The following TENM4 variants were observed in gnomAD, a reference collection of about 807,000 sequenced individuals.
TENM4 encodes teneurin transmembrane protein 4.
Under a neutral mutation model 243.3 loss-of-function variants are expected in TENM4, and 82 were observed. That is an observed-to-expected ratio of 0.34 (90% confidence interval 0.28 to 0.40). TENM4 has a LOEUF of 0.40. Among genes scored for constraint, TENM4 ranks in the 10% least tolerant of loss-of-function variants. TENM4 has a pLI of 1.00. For missense variants in TENM4, 3,138 were observed against 3,673.3 expected, an observed-to-expected ratio of 0.85 and a Z score of 3.77; for synonymous variants, 1,412 against 1,456.3, an observed-to-expected ratio of 0.97 and a Z score of 0.69.
chr11:79,108,591 T>A (rs1591288694), intron 4 of TENM4, among the ~76,000 whole-genome samples: 2 of 152,206 alleles, frequency 1.3e-5, no homozygotes, highest in East Asian at 3.8e-4. Flanking sequence ...CTGACTAATA[T>A]GCCATCTTAA....
chr11:79,414,848 G>A (rs1858779101), intron 1 of TENM4, among the ~76,000 whole-genome samples: 1 of 152,168 alleles, frequency 6.6e-6, no homozygotes, highest in African/African-American at 2.4e-5. Flanking sequence ...TGCCTCCTGA[G>A]CTCCTTGAAC....
At chr11:78,732,716 A>G in intron 20 of TENM4, 139 bp from the exon 21 acceptor site, 1 of 990,642 alleles carries the variant, frequency 1.0e-6, no homozygotes, top group Non-Finnish European at 1.4e-6. Flanking sequence ...TAATGCCTAA[A>G]TATTTGACTG....
intron 1 of TENM4, among the ~76,000 whole-genome samples, chr11:79,347,741 T>C (rs562336643): frequency 9.9e-5 from 15 of 151,466 alleles, no homozygotes; most frequent in Non-Finnish European, 1.8e-4. Flanking sequence ...AAATCAGATG[T>C]TTAATTATAT....
intron 1 of TENM4, among the ~76,000 whole-genome samples, chr11:79,431,900 T>C (rs949007175): frequency 4.6e-5 from 7 of 152,176 alleles, no homozygotes; most frequent in African/African-American, 1.7e-4. Context: ...GAGTTCACAA[T>C]GGCAAGGATC....
chr11:79,233,476 T>G (rs1864406684), intron 2 of TENM4, among the ~76,000 whole-genome samples: 1 of 151,692 alleles, frequency 6.6e-6, no homozygotes. Flanking sequence ...GGGACTTGAG[T>G]GAGGATGGTA....
In TENM4 at chr11:79,402,767, C is replaced by T. The variant is rs571248872; in HGVS notation, c.-321+37742G>A. 3.7e-4 allele frequency among the ~76,000 whole-genome samples: 56 copies of T among 152,322 alleles called. 1 individual carries two copies. The highest frequency in any genetic ancestry group is 1.0e-3 in the African/African-American group (43 of 41,576). ...CATAGGAATGAGCAAAGACTCCTGACCTTGGGATTCTCCAAGGCTTCTGAC... is the reference window on the plus strand; with the variant it reads ...CATAGGAATGAGCAAAGACTCCTGATCTTGGGATTCTCCAAGGCTTCTGAC... On this transcript the variant is annotated intron_variant, in intron 1 of 33. Coordinates refer to ENST00000278550, the MANE Select transcript of TENM4 (RefSeq NM_001098816.3).
chr11:79,275,537 C>G (rs764330286), intron 2 of TENM4, among the ~76,000 whole-genome samples: 3 of 152,224 alleles, frequency 2.0e-5, no homozygotes, highest in Non-Finnish European at 4.4e-5. Flanking sequence ...GGCAGGTACT[C>G]ACACCCTTGG....
At chr11:79,200,057 C>A (rs1863708110) in intron 3 of TENM4, among the ~76,000 whole-genome samples, 1 of 152,222 alleles carries the variant, frequency 6.6e-6, no homozygotes, top group Non-Finnish European at 1.5e-5. Context: ...AGCTCAGGAC[C>A]TGCAGCATCT....
At position 78,884,465 on chromosome 11, in the gene TENM4, CT is replaced by C. The variant is rs1565422623; in HGVS notation, c.1084+5319del. Among the ~76,000 whole-genome samples the C allele has an allele frequency of 4.6e-5, 7 of 152,130 alleles. No homozygotes were observed. In the South Asian group the frequency reaches 1.0e-3, roughly 23 times the overall value. On this transcript the variant is annotated intron_variant, in intron 9 of 33. Transcript: ENST00000278550. ...CTACATTGTCTGTTCCAGCCCAGGG[CT>C]ATTATATAGCATAGTTGGCTGAAAG...
At chr11:78,976,999 T>C (rs1181386677) in intron 6 of TENM4, among the ~76,000 whole-genome samples, 1 of 152,154 alleles carries the variant, frequency 6.6e-6, no homozygotes, top group African/African-American at 2.4e-5. Context: ...GCAACAGAAA[T>C]TCATTGTCTC....
intron 1 of TENM4, among the ~76,000 whole-genome samples, chr11:79,349,106 C>T (rs908899488): frequency 7.2e-5 from 11 of 152,214 alleles, no homozygotes; most frequent in African/African-American, 1.7e-4. Flanking sequence ...GGTTTGTTCC[C>T]CTCCACCGGC....
rs151228087 is a variant in TENM4 at position 79,411,443 on chromosome 11, C to T, written c.-321+29066G>A. ...ACTGAGACTCAGAACATGATAGAAG[C>T]GATTTGCTCTCCAGCGTGAAGCAAG... On this transcript the variant is annotated intron_variant, in intron 1 of 33. Coordinates refer to ENST00000278550, the MANE Select transcript of TENM4 (RefSeq NM_001098816.3). 5.3e-4 allele frequency among the ~76,000 whole-genome samples: 81 copies of T among 152,290 alleles called. No individual in the cohort carries two copies. In the East Asian group the frequency reaches 0.014, roughly 26 times the overall value.
chr11:78,728,563 C>T (rs1266692623), intron 22 of TENM4, among the ~76,000 whole-genome samples: 1 of 150,546 alleles, frequency 6.6e-6, no homozygotes, highest in Admixed American at 6.6e-5. Flanking sequence ...CTCCTTCCCT[C>T]CCTTCCTTCC....
intron 9 of TENM4, among the ~76,000 whole-genome samples, chr11:78,873,036 C>T (rs78487581): frequency 1.3e-5 from 2 of 152,278 alleles, no homozygotes; most frequent in African/African-American, 2.4e-5. Flanking sequence ...AGAAACATTT[C>T]AAAATAGCAC....
chr11:78,854,644 G>A (rs1262943654), intron 11 of TENM4, among the ~76,000 whole-genome samples: 3 of 152,096 alleles, frequency 2.0e-5, no homozygotes, highest in South Asian at 2.1e-4. Context: ...TTGCAATGCC[G>A]GGTGTGTGGT....
intron 2 of TENM4, among the ~76,000 whole-genome samples, chr11:79,231,603 C>G (rs1169495427): frequency 6.6e-6 from 1 of 152,202 alleles, no homozygotes; most frequent in Admixed American, 6.5e-5. Flanking sequence ...TTCAACATCT[C>G]TGCGCTTCTG....
intron 6 of TENM4, among the ~76,000 whole-genome samples, chr11:78,949,572 T>A (rs1300354743): frequency 2.0e-5 from 3 of 152,354 alleles, no homozygotes; most frequent in Non-Finnish European, 4.4e-5. Context: ...TGTAGGAAAC[T>A]GATCAAAGGG....
intron 15 of TENM4, among the ~76,000 whole-genome samples, chr11:78,789,853 G>A (rs767464283): frequency 5.9e-5 from 9 of 152,128 alleles, no homozygotes; most frequent in Non-Finnish European, 7.4e-5. Flanking sequence ...GAGACAGTAC[G>A]GACAAAAGAC....
At chr11:78,991,454 C>A (rs1386298486) in intron 6 of TENM4, among the ~76,000 whole-genome samples, 3 of 152,190 alleles carry the variant, frequency 2.0e-5, no homozygotes, top group South Asian at 2.1e-4. Context: ...GAGGCAAGAG[C>A]ACTTGTTGAA....
Sources: gnomAD v4.1 joint callset for allele counts (sites outside exome capture counted in the v4.1 genomes callset) on GRCh38, gnomAD v4.1.1 for gene constraint, MANE v1.5 for transcripts, NCBI Gene and HGNC (gene_info 2026-07-23, HGNC 2026-07-21) for gene names.